The following ACSL3 variants were observed in gnomAD, a reference collection of about 807,000 sequenced individuals.
The protein encoded by ACSL3 is acyl-CoA synthetase long chain family member 3, also known as fatty acid CoA ligase Acsl3.
Under a neutral mutation model 84.7 loss-of-function variants are expected in ACSL3, and 34 were observed. The observed-to-expected ratio is 0.40, with a 90% CI of 0.31 to 0.53. The LOEUF (loss-of-function observed/expected upper bound fraction) is 0.53, where lower values mean the gene tolerates loss of function less well. Ranked by LOEUF, ACSL3 falls within the 20% of genes least tolerant of loss-of-function variation. The pLI is 0.48. For missense variants in ACSL3, 680 were observed against 873.1 expected, an observed-to-expected ratio of 0.78 and a Z score of 2.79; for synonymous variants, 315 against 299.4, an observed-to-expected ratio of 1.05 and a Z score of -0.54.
At chr2:222,878,290 C>A (rs944263853) in intron 1 of ACSL3, among the ~76,000 whole-genome samples, 18 of 152,130 alleles carry the variant, frequency 1.2e-4, no homozygotes, top group Non-Finnish European at 2.5e-4. Flanking sequence ...TGAAGAATAG[C>A]TTTTCTGTTG....
intron 2 of ACSL3, among the ~76,000 whole-genome samples, chr2:222,894,965 T>C (rs1574533381): frequency 6.6e-6 from 1 of 152,240 alleles, no homozygotes; most frequent in South Asian, 2.1e-4. Flanking sequence ...CCAAGTTTTA[T>C]CTTCAGACTA....
intron 16 of ACSL3, among the ~76,000 whole-genome samples, chr2:222,939,613 C>T (rs77221404): frequency 0.074 from 11,276 of 152,210 alleles, 514 homozygotes; most frequent in Middle Eastern, 0.13. Flanking sequence ...GTGTTCCACT[C>T]CTCTTAGGGA....
intron 4 of ACSL3, chr2:222,909,744 TTAAC>T (rs2106118763): frequency 6.6e-6 from 1 of 152,496 alleles, no homozygotes; most frequent in Non-Finnish European, 1.5e-5. Context: ...GAAAAGTAGG[TTAAC>T]TAATTCGCCT....
rs560898474 is a variant in ACSL3, at chr2:222,866,184, C to G, written c.-207+4926C>G. 1.8e-3 allele frequency among the ~76,000 whole-genome samples: 270 copies of G among 152,012 alleles called. 1 individual carries two copies. Among genetic ancestry groups the G allele is most frequent in the African/African-American group, 6.4e-3 (264 of 41,490 alleles). ...TTTTTGAGACGGAGTCTCGCTCTGT[C>G]CCCCTGGCTGGAGTGCAGTGGCATG... On this transcript the variant is annotated intron_variant, in intron 1 of 16. Transcript: ENST00000357430.
chr2:222,920,911 A>G (rs773330096), intron 7 of ACSL3: 3 of 466,068 alleles, frequency 6.4e-6, no homozygotes, highest in African/African-American at 6.1e-5. Context: ...TCTAATTAGA[A>G]CACTCTTCTC....
At position 222,930,568 on chromosome 2, in the gene ACSL3, A is replaced by G. The variant is rs941443423; in HGVS notation, c.1541-53A>G. The G allele has an allele frequency of 1.5e-5, 21 of 1,405,658 alleles. No homozygotes were observed. The Admixed American group carries it at 3.9e-4, about 26-fold the overall frequency. The allele number at this position is 1,405,658 out of a possible 1,614,324, so 87.1% of individuals were successfully genotyped here. A position where few individuals can be genotyped will look rare whatever the true frequency, so the allele number is the denominator to read the frequency against. The stretch of plus-strand genomic sequence containing the variant: ...ACTGTTTAGAAACTAGTAGTTTCAA[A>G]TTTTCATGTGTTGTATTTAACTCAA... On this transcript the variant is annotated intron_variant, in intron 13 of 16. Coordinates refer to ENST00000357430, the MANE Select transcript of ACSL3 (RefSeq NM_004457.5).
At chr2:222,920,127 C>A (rs1375675874) in intron 7 of ACSL3, among the ~76,000 whole-genome samples, 1 of 151,764 alleles carries the variant, frequency 6.6e-6, no homozygotes, top group African/African-American at 2.4e-5. Context: ...TCAGATGACA[C>A]AAGGATTGTA....
At chr2:222,940,692 G>A (rs1657441708) in intron 16 of ACSL3, among the ~76,000 whole-genome samples, 1 of 152,102 alleles carries the variant, frequency 6.6e-6, no homozygotes, top group African/African-American at 2.4e-5. Context: ...CGTGCTGTGC[G>A]GGTGTGTAGC....
Sources: allele counts gnomAD v4.1 joint callset (sites outside exome capture counted in the v4.1 genomes callset), GRCh38; gene constraint gnomAD v4.1.1; transcripts MANE v1.5; gene names NCBI Gene and HGNC (gene_info 2026-07-23, HGNC 2026-07-21).